GPC5: variants seen among roughly 807,000 people sequenced by gnomAD.
The protein encoded by GPC5 is glypican 5.
A neutral mutation model predicts 53.9 loss-of-function variants in GPC5; 47 were observed. The ratio of observed to expected loss-of-function variants is 0.87; its 90% CI spans 0.69 to 1.11. The LOEUF is 1.11. Among genes scored for constraint, GPC5 ranks in the 50% most tolerant of loss-of-function variants. The pLI, the probability that GPC5 is intolerant of heterozygous loss-of-function variation, is 0.00. For synonymous variants in GPC5, 286 were observed against 263.3 expected (o/e 1.09, Z -0.84); for missense variants, 748 against 713.1 (o/e 1.05, Z -0.56).
chr13:92,071,956 C>A (rs1174239860), intron 6 of GPC5, among the ~76,000 whole-genome samples: 1 of 144,062 alleles, frequency 6.9e-6, no homozygotes, highest in Non-Finnish European at 1.5e-5. Context: ...TATTATTGTA[C>A]ATGTAAATTT....
chr13:92,498,057 C>G (rs779426297), intron 7 of GPC5, among the ~76,000 whole-genome samples: 5 of 152,096 alleles, frequency 3.3e-5, no homozygotes, highest in South Asian at 2.1e-4. Flanking sequence ...TTGACTTCCT[C>G]TCTTCCTATT....
At chr13:92,860,555 C>G (rs1879148513) in intron 7 of GPC5, among the ~76,000 whole-genome samples, 1 of 152,104 alleles carries the variant, frequency 6.6e-6, no homozygotes, top group Admixed American at 6.6e-5. Context: ...AATAGTTATG[C>G]TAAGCCATCT....
chr13:92,712,508 T>C (rs1888174937), intron 7 of GPC5, among the ~76,000 whole-genome samples: 1 of 151,644 alleles, frequency 6.6e-6, no homozygotes, highest in Admixed American at 6.6e-5. Flanking sequence ...CAGTAAAGAC[T>C]TTGGCACCTA....
Position 91,399,223 on chromosome 13 carries a change from A to G in GPC5, c.163+14A>G. 6.2e-7 allele frequency: 1 copy of G among 1,609,666 alleles called. No homozygotes were observed. Among genetic ancestry groups the G allele is most frequent in the Non-Finnish European group, 8.5e-7 (1 of 1,178,694 alleles). On this transcript the variant is annotated intron_variant, in intron 1 of 7. Coordinates refer to ENST00000377067, the MANE Select transcript of GPC5 (RefSeq NM_004466.6). ...CGCCGCGGGCAGGTAAGGGGCAATG[A>G]GGGGGTCTCTGGACTGGCGGCGTCC...
intron 5 of GPC5, among the ~76,000 whole-genome samples, chr13:91,819,907 C>T (rs1474975824): frequency 1.3e-5 from 2 of 152,112 alleles, no homozygotes; most frequent in African/African-American, 4.8e-5. Context: ...ATAGTATTGT[C>T]AGACTGTAAA....
At chr13:92,442,599 A>G (rs1179243817) in intron 7 of GPC5, among the ~76,000 whole-genome samples, 2 of 152,184 alleles carry the variant, frequency 1.3e-5, no homozygotes, top group African/African-American at 4.8e-5. Context: ...AATAGTAGAT[A>G]AGAATGGTAC....
intron 2 of GPC5, among the ~76,000 whole-genome samples, chr13:91,497,603 C>T (rs756104691): frequency 6.6e-6 from 1 of 152,102 alleles, no homozygotes; most frequent in Admixed American, 6.5e-5. Flanking sequence ...TCCATAGAAA[C>T]CTGTATCCTT....
At chr13:91,729,298 C>T (rs1166465341) in intron 4 of GPC5, among the ~76,000 whole-genome samples, 2 of 152,044 alleles carry the variant, frequency 1.3e-5, no homozygotes, top group East Asian at 3.9e-4. Flanking sequence ...ATTTTGTGTT[C>T]CTTTGCTTGA....
rs58376767 is a variant in GPC5, at chr13:92,004,458, T to TTATATATATATATATATATATA, written c.1401+96412_1401+96433dup. Among the ~76,000 whole-genome samples, 166 of 82,442 alleles carry TTATATATATATATATATATATA rather than the reference T, an allele frequency of 2.0e-3. 7 individuals are homozygous for TTATATATATATATATATATATA. Among genetic ancestry groups the TTATATATATATATATATATATA allele is most frequent in the East Asian group, 3.1e-3 (11 of 3,546 alleles). The allele number at this position is 82,442 out of a possible 152,430, so 54.1% of individuals were successfully genotyped here. The stretch of plus-strand genomic sequence containing the variant: ...GACTCCGTCTCAAAAAAAAAAAAAA[T>TTATATATATATATATATATATA]TATATATATATATATATATATATAT... On this transcript the variant is annotated intron_variant, in intron 6 of 7. Transcript: ENST00000377067.
intron 2 of GPC5, among the ~76,000 whole-genome samples, chr13:91,453,101 T>C (rs956612247): frequency 4.6e-5 from 7 of 151,906 alleles, no homozygotes; most frequent in African/African-American, 1.7e-4. Flanking sequence ...TTTCATCTCT[T>C]GGCTAATTAT....
chr13:91,660,610 G>A (rs2034964886), intron 2 of GPC5, among the ~76,000 whole-genome samples: 1 of 152,170 alleles, frequency 6.6e-6, no homozygotes, highest in East Asian at 1.9e-4. Flanking sequence ...TAAATTTTGG[G>A]ATCATCTGTT....
intron 6 of GPC5, among the ~76,000 whole-genome samples, chr13:92,004,748 T>C (rs1331723034): frequency 6.6e-6 from 1 of 151,772 alleles, no homozygotes; most frequent in African/African-American, 2.4e-5. Context: ...AAGCACATCT[T>C]ACGTGGTGGC....
intron 7 of GPC5, among the ~76,000 whole-genome samples, chr13:92,467,325 G>A (rs1878736622): frequency 6.6e-6 from 1 of 152,092 alleles, no homozygotes; most frequent in African/African-American, 2.4e-5. Flanking sequence ...GTAAGCACAG[G>A]ATGACTTCTG....
intron 7 of GPC5, among the ~76,000 whole-genome samples, chr13:92,347,726 G>A (rs908251814): frequency 3.5e-5 from 5 of 144,720 alleles, no homozygotes; most frequent in East Asian, 2.1e-4. Context: ...GAAATAAATC[G>A]TCAAGGGACA....
chr13:92,631,207 A>G (rs1885224400), intron 7 of GPC5, among the ~76,000 whole-genome samples: 1 of 152,074 alleles, frequency 6.6e-6, no homozygotes, highest in African/African-American at 2.4e-5. Context: ...TAAAATGTAA[A>G]ATTTTATTTT....
chr13:92,522,446 G>GCCAT (rs1881097007), intron 7 of GPC5, among the ~76,000 whole-genome samples: 1 of 152,092 alleles, frequency 6.6e-6, no homozygotes, highest in South Asian at 2.1e-4. Flanking sequence ...CCATAAAAAA[G>GCCAT]GATGAGTTCA....
At chr13:92,161,955 CCA>C in intron 7 of GPC5, among the ~76,000 whole-genome samples, 1 of 25,518 alleles carries the variant, frequency 3.9e-5, no homozygotes, top group African/African-American at 1.6e-4. Flanking sequence ...TAATATATAG[CCA>C]TATATATATA....
intron 2 of GPC5, among the ~76,000 whole-genome samples, chr13:91,617,402 G>A (rs952837680): frequency 6.6e-6 from 1 of 152,094 alleles, no homozygotes; most frequent in African/African-American, 2.4e-5. Context: ...GGATGTTAAG[G>A]GAGAAAAACA....
At chr13:91,901,330 A>G (rs2039495417) in intron 5 of GPC5, among the ~76,000 whole-genome samples, 1 of 152,084 alleles carries the variant, frequency 6.6e-6, no homozygotes, top group Non-Finnish European at 1.5e-5. Context: ...GAAGTGAGAT[A>G]GTGGGATCAC....
Sources: allele counts gnomAD v4.1 joint callset (sites outside exome capture counted in the v4.1 genomes callset), GRCh38; gene constraint gnomAD v4.1.1; transcripts MANE v1.5; gene names NCBI Gene and HGNC (gene_info 2026-07-23, HGNC 2026-07-21).